Variants in DPP6 observed in about 807,000 individuals in gnomAD.
The protein encoded by DPP6 is A-type potassium channel modulatory protein DPP6.
A neutral mutation model predicts 122.6 loss-of-function variants in DPP6; 69 were observed. The ratio of observed to expected loss-of-function variants is 0.56; its 90% CI spans 0.46 to 0.69. DPP6 has a LOEUF of 0.69. DPP6 is among the 30% of genes least tolerant of loss of function. DPP6 has a pLI of 0.00. For synonymous variants in DPP6, 418 were observed against 433.1 expected (o/e 0.97, Z 0.43); for missense variants, 928 against 1,116.9 (o/e 0.83, Z 2.41).
At chr7:154,244,204 A>G (rs1563361492) in intron 1 of DPP6, among the ~76,000 whole-genome samples, 1 of 152,172 alleles carries the variant, frequency 6.6e-6, no homozygotes, top group African/African-American at 2.4e-5. Flanking sequence ...TTAATAGTGG[A>G]TTTCTTGTAA....
At chr7:153,971,985 C>T (rs1441629144) in intron 1 of DPP6, among the ~76,000 whole-genome samples, 1 of 148,714 alleles carries the variant, frequency 6.7e-6, no homozygotes. Flanking sequence ...CTGTCTATTA[C>T]AGATGACTCT....
intron 7 of DPP6, among the ~76,000 whole-genome samples, chr7:154,725,865 G>A (rs748213202): frequency 2.6e-5 from 4 of 152,174 alleles, no homozygotes; most frequent in Non-Finnish European, 5.9e-5. Flanking sequence ...ATACAATGGG[G>A]ACACAGGCAT....
At chr7:154,855,059 G>C (rs1011268803) in intron 17 of DPP6, among the ~76,000 whole-genome samples, 2 of 152,178 alleles carry the variant, frequency 1.3e-5, no homozygotes, top group African/African-American at 2.4e-5. Flanking sequence ...TCCTATCTCT[G>C]TGGTGGTACT....
At chr7:153,977,201 GT>G (rs1268513658) in intron 1 of DPP6, among the ~76,000 whole-genome samples, 3 of 141,612 alleles carry the variant, frequency 2.1e-5, no homozygotes, top group African/African-American at 9.2e-5. Flanking sequence ...CAATAGGGGT[GT>G]GTGTGTGTGT....
intron 1 of DPP6, among the ~76,000 whole-genome samples, chr7:154,348,424 C>G (rs1810573850): frequency 6.6e-6 from 1 of 152,162 alleles, no homozygotes; most frequent in Non-Finnish European, 1.5e-5. Context: ...TCCTACTTCC[C>G]AGACCTGAAG....
At chr7:154,839,828 T>C (rs1801376741) in intron 16 of DPP6, among the ~76,000 whole-genome samples, 1 of 152,200 alleles carries the variant, frequency 6.6e-6, no homozygotes, top group African/African-American at 2.4e-5. Context: ...ACAGAGGTCT[T>C]GTATTTCACG....
chr7:153,764,900 C>A, the DPP6 span, among the ~76,000 whole-genome samples: 50 of 152,322 alleles, frequency 3.3e-4, no homozygotes, highest in Non-Finnish European at 5.9e-4. Flanking sequence ...CAGGTGGGGT[C>A]TAGGTAGCAT....
intron 1 of DPP6, among the ~76,000 whole-genome samples, chr7:153,954,525 C>T (rs894872485): frequency 4.6e-5 from 7 of 152,146 alleles, no homozygotes; most frequent in Non-Finnish European, 7.3e-5. Context: ...TTTTATGCAT[C>T]CACTTGGGTA....
chr7:154,260,664 C>CGT (rs908235412), intron 1 of DPP6, among the ~76,000 whole-genome samples: 14 of 145,644 alleles, frequency 9.6e-5, no homozygotes, highest in Non-Finnish European at 1.9e-4. Context: ...AGTATTCCTT[C>CGT]GTATATATAT....
intron 5 of DPP6, among the ~76,000 whole-genome samples, chr7:154,586,321 G>A (rs1197132892): frequency 6.6e-6 from 1 of 152,168 alleles, no homozygotes; most frequent in Non-Finnish European, 1.5e-5. Flanking sequence ...AGACAGAGGA[G>A]CTTTCCCAGG....
chr7:154,455,395 A>G (rs1778511124), intron 2 of DPP6, among the ~76,000 whole-genome samples: 2 of 152,138 alleles, frequency 1.3e-5, no homozygotes, highest in Admixed American at 6.5e-5. Flanking sequence ...CACCACCACG[A>G]GCAAGACCCC....
chr7:153,888,730 T>C (rs1199657816), intron 1 of DPP6, among the ~76,000 whole-genome samples: 2 of 51,490 alleles, frequency 3.9e-5, no homozygotes, highest in African/African-American at 7.8e-5. Context: ...TTTTTTTTTT[T>C]GGCGACAGAC....
At chr7:153,874,471 G>A in the DPP6 span, among the ~76,000 whole-genome samples, 1 of 152,192 alleles carries the variant, frequency 6.6e-6, no homozygotes, top group Non-Finnish European at 1.5e-5. Context: ...CACCTGCCGG[G>A]TTCAAGCGAT....
Position 154,595,172 on chromosome 7 carries a change from C to G in DPP6, c.627+28256C>G, listed in dbSNP as rs1324025299. On this transcript the variant is annotated intron_variant, in intron 5 of 25. Coordinates refer to ENST00000377770, the MANE Select transcript of DPP6 (RefSeq NM_130797.4). Reference sequence around the variant, plus strand: ...TGCTTTGCTTTCCTTTCCTGCCTGACACGTCCTCTCCATCTTCCCCTTCTC... The same window carrying G: ...TGCTTTGCTTTCCTTTCCTGCCTGAGACGTCCTCTCCATCTTCCCCTTCTC... Among the ~76,000 whole-genome samples the G allele has an allele frequency of 2.6e-5, 4 of 152,166 alleles. No homozygotes were observed. In the East Asian group the frequency reaches 7.7e-4, roughly 29 times the overall value.
intron 7 of DPP6, among the ~76,000 whole-genome samples, chr7:154,722,055 C>A (rs73167038): frequency 0.31 from 47,049 of 151,466 alleles, 7,781 homozygotes; most frequent in South Asian, 0.5. Flanking sequence ...GATGCCTGGC[C>A]GTGGTGGTGT....
At chr7:154,351,553 G>A (rs1167550195) in intron 1 of DPP6, among the ~76,000 whole-genome samples, 5 of 152,120 alleles carry the variant, frequency 3.3e-5, no homozygotes, top group African/African-American at 1.2e-4. Context: ...CACCTGGAGG[G>A]ACCCTGCCTG....
intron 5 of DPP6, among the ~76,000 whole-genome samples, chr7:154,589,765 A>T (rs6947471): frequency 0.21 from 31,584 of 152,166 alleles, 5,486 homozygotes; most frequent in African/African-American, 0.47. Context: ...CAGCTCTCCT[A>T]TCCACATCTT....
At chr7:154,290,419 G>A (rs548642781) in intron 1 of DPP6, among the ~76,000 whole-genome samples, 8 of 152,044 alleles carry the variant, frequency 5.3e-5, no homozygotes, top group East Asian at 1.9e-4. Context: ...TTGCAGAGTC[G>A]ATTTTTTCCC....
chr7:154,705,162 T>G (rs1415124998), intron 7 of DPP6, among the ~76,000 whole-genome samples: 1 of 152,170 alleles, frequency 6.6e-6, no homozygotes, highest in Non-Finnish European at 1.5e-5. Flanking sequence ...ATATTGTAAC[T>G]GTAGCCAAAG....
Sources: allele counts gnomAD v4.1 joint callset (sites outside exome capture counted in the v4.1 genomes callset), GRCh38; gene constraint gnomAD v4.1.1; transcripts MANE v1.5; gene names NCBI Gene and HGNC (gene_info 2026-07-23, HGNC 2026-07-21).